ADAM22: variants seen among roughly 807,000 people sequenced by gnomAD.
ADAM22 encodes ADAM metallopeptidase domain 22.
Under a neutral mutation model 144.6 loss-of-function variants are expected in ADAM22, and 65 were observed. The ratio of observed to expected loss-of-function variants is 0.45; its 90% CI spans 0.37 to 0.55. The LOEUF (loss-of-function observed/expected upper bound fraction) is 0.55. Among genes scored for constraint, ADAM22 ranks in the 20% least tolerant of loss-of-function variants. The pLI is 0.00. For synonymous variants in ADAM22, 391 were observed against 412.6 expected, an observed-to-expected ratio of 0.95 and a Z score of 0.63; for missense variants, 974 against 1,184.9, an observed-to-expected ratio of 0.82 and a Z score of 2.61.
chr7:88,054,159 G>A (rs916197743), intron 3 of ADAM22, among the ~76,000 whole-genome samples: 1 of 139,442 alleles, frequency 7.2e-6, no homozygotes, highest in African/African-American at 2.5e-5. Context: ...GTGCTGTGAT[G>A]TCATGTACAC....
rs1851182670 is a variant in ADAM22 at position 88,201,237 on chromosome 7, T to C, written c.*4746T>C. On this transcript the variant is annotated 3_prime_UTR_variant, in exon 32 of 32. Coordinates refer to ENST00000413139, the MANE Select transcript of ADAM22 (RefSeq NM_001324418.2). ...ACCTAATTAGTACTTTTGTCCTTTATATCCCTAGGATGCTCTAGGGAGTAG... is the reference window on the plus strand; with the variant it reads ...ACCTAATTAGTACTTTTGTCCTTTACATCCCTAGGATGCTCTAGGGAGTAG... 6.6e-6 allele frequency: 1 copy of C among 152,218 alleles called. No individual in the cohort carries two copies. Among genetic ancestry groups the C allele is most frequent in the Admixed American group, 6.5e-5 (1 of 15,282 alleles). 9.4% of individuals were successfully genotyped at this position (152,218 alleles called of 1,614,324 possible).
intron 2 of ADAM22, among the ~76,000 whole-genome samples, chr7:87,942,427 C>T (rs1043067575): frequency 6.6e-5 from 10 of 152,100 alleles, no homozygotes; most frequent in Non-Finnish European, 1.2e-4. Context: ...TCAGCTCCAC[C>T]GCACTGCCTA....
chr7:88,002,633 T>G (rs185000476), intron 3 of ADAM22, among the ~76,000 whole-genome samples: 7 of 152,288 alleles, frequency 4.6e-5, no homozygotes, highest in Admixed American at 2.6e-4. Context: ...AGAATCATAT[T>G]TCAAAGGGAG....
At chr7:87,964,017 G>C (rs1848541424) in intron 2 of ADAM22, among the ~76,000 whole-genome samples, 1 of 152,092 alleles carries the variant, frequency 6.6e-6, no homozygotes, top group East Asian at 1.9e-4. Flanking sequence ...ATATATTTCA[G>C]AGCTAAGGGT....
chr7:88,102,917 T>G (rs1823333728), intron 4 of ADAM22, among the ~76,000 whole-genome samples: 3 of 152,116 alleles, frequency 2.0e-5, no homozygotes, highest in South Asian at 4.1e-4. Context: ...GGTGAGGAAT[T>G]GGATATTCAG....
At chr7:88,086,159 G>C (rs2129483998) in intron 4 of ADAM22, among the ~76,000 whole-genome samples, 1 of 152,294 alleles carries the variant, frequency 6.6e-6, no homozygotes, top group South Asian at 2.1e-4. Context: ...CTGGGCGACA[G>C]AGCAAGACTC....
chr7:88,037,497 C>T (rs1204460787), intron 3 of ADAM22, among the ~76,000 whole-genome samples: 1 of 151,894 alleles, frequency 6.6e-6, no homozygotes, highest in Admixed American at 6.6e-5. Context: ...ATTTTTTCAC[C>T]CTGTTGTCTA....
At chr7:88,120,839 C>T (rs1419240847) in intron 7 of ADAM22, among the ~76,000 whole-genome samples, 1 of 151,922 alleles carries the variant, frequency 6.6e-6, no homozygotes, top group Non-Finnish European at 1.5e-5. Context: ...TTGCTAGCTC[C>T]CAAGTTTTGA....
Position 87,935,084 on chromosome 7 carries a change from G to C in ADAM22, c.144G>C (p.Gln48His). ...KRKENRFVER[Q>H]SIVPLRLIYR... is the part of the protein sequence containing the mutation. ...AGGAAAACCGCTTCGTGGAGCGCCAGAGCATCGTGCCACTGCGCCTCATCT... is the reference window on the plus strand; with the variant it reads ...AGGAAAACCGCTTCGTGGAGCGCCACAGCATCGTGCCACTGCGCCTCATCT... Residue 48 changes from glutamine to histidine, a missense_variant, in exon 2 of 32, where the codon CAG becomes CAC. By Grantham distance (24) the Gln-to-His change is conservative (BLOSUM62 0). This residue lies in a region of ADAM22 where 240 missense variants were observed against 234.3 expected (regional missense o/e 1.02). Transcript: ENST00000413139. The C allele has an allele frequency of 6.2e-7, 1 of 1,614,154 alleles. No homozygotes were observed. The highest frequency in any genetic ancestry group is 8.5e-7 in the Non-Finnish European group (1 of 1,180,040).
chr7:87,984,227 A>T (rs1393383377), intron 3 of ADAM22, among the ~76,000 whole-genome samples: 2 of 152,134 alleles, frequency 1.3e-5, no homozygotes, highest in East Asian at 3.8e-4. Flanking sequence ...TTAATCTTAT[A>T]ATTACATTCC....
At chr7:88,125,556 C>A in intron 7 of ADAM22, 33 bp from the exon 8 acceptor site, 3 of 1,499,662 alleles carry the variant, frequency 2.0e-6, no homozygotes, top group Non-Finnish European at 2.8e-6. Flanking sequence ...CTGACAAATG[C>A]ACTAAGTTAA....
intron 2 of ADAM22, among the ~76,000 whole-genome samples, chr7:87,959,173 G>A (rs963782900): frequency 3.1e-4 from 47 of 152,056 alleles, no homozygotes; most frequent in Admixed American, 3.1e-3. Flanking sequence ...AGACTCCATG[G>A]ATTTAAAGCT....
intron 14 of ADAM22, among the ~76,000 whole-genome samples, chr7:88,137,765 A>C (rs1264006842): frequency 6.6e-6 from 1 of 152,232 alleles, no homozygotes; most frequent in East Asian, 1.9e-4. Context: ...ATTTTCAACA[A>C]ATATTTCTTG....
chr7:88,191,192 T>A (rs1849546019), intron 30 of ADAM22, among the ~76,000 whole-genome samples: 1 of 152,260 alleles, frequency 6.6e-6, no homozygotes, highest in Non-Finnish European at 1.5e-5. Flanking sequence ...CTAACTTAAT[T>A]GGCTTTGCCC....
intron 3 of ADAM22, among the ~76,000 whole-genome samples, chr7:87,979,962 A>G (rs1584784175): frequency 6.6e-6 from 1 of 152,236 alleles, no homozygotes; most frequent in East Asian, 1.9e-4. Flanking sequence ...GCTTCCTGAC[A>G]TCTGTAATTC....
chr7:88,030,116 C>G (rs966900675), intron 3 of ADAM22, among the ~76,000 whole-genome samples: 9 of 152,024 alleles, frequency 5.9e-5, no homozygotes, highest in African/African-American at 2.2e-4. Flanking sequence ...TAATTTGCCC[C>G]TTTGAGGTTG....
intron 2 of ADAM22, among the ~76,000 whole-genome samples, chr7:87,960,348 T>C (rs995506863): frequency 6.6e-5 from 10 of 151,408 alleles, no homozygotes; most frequent in Admixed American, 4.6e-4. Context: ...CAAGTGCAGA[T>C]AGTATTGTTG....
At chr7:88,070,336 G>A (rs1459513997) in intron 3 of ADAM22, among the ~76,000 whole-genome samples, 1 of 152,118 alleles carries the variant, frequency 6.6e-6, no homozygotes, top group Non-Finnish European at 1.5e-5. Context: ...TCTAGCTGAG[G>A]CCCTTAATAG....
At chr7:88,182,647 AG>A (rs1223814390) in intron 29 of ADAM22, among the ~76,000 whole-genome samples, 2 of 151,956 alleles carry the variant, frequency 1.3e-5, no homozygotes, top group Non-Finnish European at 2.9e-5. Flanking sequence ...TTTTTTTTTA[AG>A]GGGGGTGGGT....
Sources: allele counts gnomAD v4.1 joint callset (sites outside exome capture counted in the v4.1 genomes callset), GRCh38; gene constraint gnomAD v4.1.1; regional missense constraint gnomAD v4.1.1; transcripts MANE v1.5; gene names NCBI Gene and HGNC (gene_info 2026-07-23, HGNC 2026-07-21).